The following GPC6 variants were observed in gnomAD, a reference collection of about 807,000 sequenced individuals.
GPC6 encodes the protein glypican-6.
Under a neutral mutation model 55.2 loss-of-function variants are expected in GPC6, and 14 were observed. The ratio of observed to expected loss-of-function variants is 0.25; its 90% CI spans 0.17 to 0.40. The LOEUF is 0.40. Among genes scored for constraint, GPC6 ranks in the 10% least tolerant of loss-of-function variants. GPC6 has a pLI of 1.00. For synonymous variants in GPC6, 278 were observed against 259.6 expected (o/e 1.07, Z -0.68); for missense variants, 641 against 708.5 (o/e 0.90, Z 1.08).
chr13:94,029,890 C>T (rs1355788783), intron 4 of GPC6, among the ~76,000 whole-genome samples: 1 of 152,116 alleles, frequency 6.6e-6, no homozygotes, highest in Non-Finnish European at 1.5e-5. Flanking sequence ...TCTGGAAAAT[C>T]ACTGGATTCA....
intron 2 of GPC6, among the ~76,000 whole-genome samples, chr13:93,564,640 T>A (rs1332288366): frequency 6.6e-6 from 1 of 152,042 alleles, no homozygotes; most frequent in Non-Finnish European, 1.5e-5. Flanking sequence ...CACTTCTAAT[T>A]TCAGTGAAAT....
At chr13:93,900,957 T>C (rs779896775) in intron 3 of GPC6, among the ~76,000 whole-genome samples, 8 of 152,212 alleles carry the variant, frequency 5.3e-5, no homozygotes, top group Non-Finnish European at 1.2e-4. Context: ...CCAGCTGTTC[T>C]ATCCAGTTCT....
intron 3 of GPC6, among the ~76,000 whole-genome samples, chr13:94,009,921 C>T (rs1219514265): frequency 6.6e-6 from 1 of 152,156 alleles, no homozygotes; most frequent in Non-Finnish European, 1.5e-5. Context: ...ATTCAGTTGG[C>T]ATTGCTGTTG....
chr13:94,163,353 C>G (rs1005134462), intron 4 of GPC6, among the ~76,000 whole-genome samples: 1 of 151,886 alleles, frequency 6.6e-6, no homozygotes, highest in African/African-American at 2.4e-5. Context: ...CCTCCCTTGA[C>G]TCCCTGTAGG....
intron 6 of GPC6, among the ~76,000 whole-genome samples, chr13:94,322,929 G>A (rs989613348): frequency 2.6e-5 from 4 of 152,118 alleles, no homozygotes; most frequent in African/African-American, 9.6e-5. Context: ...GTATATAGCA[G>A]CTAGATAGAC....
At chr13:93,396,173 A>G (rs1875847446) in intron 1 of GPC6, among the ~76,000 whole-genome samples, 1 of 152,196 alleles carries the variant, frequency 6.6e-6, no homozygotes, top group African/African-American at 2.4e-5. Context: ...TTAGTAATAA[A>G]ACATGTGTTT....
In GPC6 at chr13:94,029,840, A is replaced by G. The variant is rs559874362; in HGVS notation, c.877+1946A>G. 8.7e-4 allele frequency among the ~76,000 whole-genome samples: 132 copies of G among 152,342 alleles called. 1 individual carries two copies. The highest frequency in any genetic ancestry group is 3.4e-3 in the Middle Eastern group (1 of 294). ...AAACAAATCCTTATGCTTTCGATCA[A>G]TTGAGTTTCCTAGATACCGATTTGA... On this transcript the variant is annotated intron_variant, in intron 4 of 8. Coordinates refer to ENST00000377047, the MANE Select transcript of GPC6 (RefSeq NM_005708.5).
intron 2 of GPC6, among the ~76,000 whole-genome samples, chr13:93,668,803 C>G (rs979011731): frequency 6.6e-6 from 1 of 152,156 alleles, no homozygotes; most frequent in Non-Finnish European, 1.5e-5. Context: ...TTCTTTCAAA[C>G]TATCAAGTTC....
rs7987881 is a variant in GPC6 at position 93,297,673 on chromosome 13, C to T, written c.160+70057C>T. The stretch of plus-strand genomic sequence containing the variant: ...CAAAATGATTTTCCCCACCCTCCCC[C>T]CTTCACCTCAGCTAAAATGTCACCT... On this transcript the variant is annotated intron_variant, in intron 1 of 8. Coordinates refer to ENST00000377047, the MANE Select transcript of GPC6 (RefSeq NM_005708.5). 8.5e-3 allele frequency among the ~76,000 whole-genome samples: 1,294 copies of T among 152,092 alleles called. 15 individuals are homozygous for T. Among genetic ancestry groups the T allele is most frequent in the African/African-American group, 0.029 (1,214 of 41,462 alleles).
intron 4 of GPC6, among the ~76,000 whole-genome samples, chr13:94,273,562 G>A (rs1892110495): frequency 6.6e-6 from 1 of 152,176 alleles, no homozygotes; most frequent in Admixed American, 6.5e-5. Flanking sequence ...TTATTCTCTT[G>A]TAAAATGGTG....
rs1193654844 is a variant in GPC6 at position 93,227,770 on chromosome 13, A to T, written c.160+154A>T. ...TCCGCGTCTCCGTGTTGGGCGGCGG[A>T]TGCTCCTGCGGCTTCTTCGGCGGGG... is the stretch of plus-strand genomic sequence containing the variant. On this transcript the variant is annotated intron_variant, in intron 1 of 8. Transcript: ENST00000377047. This position sits in a 1 kb window ranked among gnomAD's most constrained non-coding sequence, Gnocchi z 4.3. Among the ~76,000 whole-genome samples the T allele has an allele frequency of 2.0e-5, 3 of 152,096 alleles. No individual in the cohort carries two copies. Among genetic ancestry groups the T allele is most frequent in the Non-Finnish European group, 4.4e-5 (3 of 68,006 alleles).
chr13:94,006,289 A>G (rs1310686976), intron 3 of GPC6, among the ~76,000 whole-genome samples: 1 of 152,206 alleles, frequency 6.6e-6, no homozygotes, highest in African/African-American at 2.4e-5. Flanking sequence ...AGAAGGAGGC[A>G]GACAGATTCA....
intron 3 of GPC6, among the ~76,000 whole-genome samples, chr13:93,874,592 A>G (rs935015370): frequency 2.7e-5 from 4 of 149,812 alleles, no homozygotes; most frequent in Non-Finnish European, 5.9e-5. Flanking sequence ...TTACCAGGGC[A>G]TACCAGATCC....
chr13:94,011,479 C>G (rs942049855), intron 3 of GPC6, among the ~76,000 whole-genome samples: 1 of 152,122 alleles, frequency 6.6e-6, no homozygotes, highest in African/African-American at 2.4e-5. Flanking sequence ...ATATTCTCCC[C>G]TCCCTCACCC....
chr13:93,845,878 A>C (rs1888155785), intron 3 of GPC6, among the ~76,000 whole-genome samples: 1 of 149,766 alleles, frequency 6.7e-6, no homozygotes, highest in Middle Eastern at 3.2e-3. Flanking sequence ...GATATATCTA[A>C]TGCTAGATGA....
intron 1 of GPC6, among the ~76,000 whole-genome samples, chr13:93,260,590 T>A (rs2139039878): frequency 6.6e-6 from 1 of 152,234 alleles, no homozygotes; most frequent in South Asian, 2.1e-4. Flanking sequence ...TATTGATCAG[T>A]ACCTAGAACA....
At chr13:94,054,083 A>G (rs1297339935) in intron 4 of GPC6, among the ~76,000 whole-genome samples, 1 of 152,166 alleles carries the variant, frequency 6.6e-6, no homozygotes, top group Non-Finnish European at 1.5e-5. Context: ...GTTTCTTCTA[A>G]TGCTTTGTTC....
chr13:93,846,369 G>T (rs1180728447), intron 3 of GPC6, among the ~76,000 whole-genome samples: 1 of 152,160 alleles, frequency 6.6e-6, no homozygotes, highest in African/African-American at 2.4e-5. Flanking sequence ...GAAACCTAAA[G>T]CAGAATGACA....
In GPC6 at chr13:93,739,333, G is replaced by T. The variant is rs960769277; in HGVS notation, c.320-90821G>T. Among the ~76,000 whole-genome samples the T allele has an allele frequency of 7.9e-5, 12 of 152,112 alleles. No homozygotes were observed. In the East Asian group the frequency reaches 1.7e-3, roughly 22 times the overall value. The stretch of plus-strand genomic sequence containing the variant: ...TGTGCCCTTGAATATATAAAAGGGA[G>T]TCATTTTTCCTGTATGTATTAAAGC... On this transcript the variant is annotated intron_variant, in intron 2 of 8. Coordinates refer to ENST00000377047, the MANE Select transcript of GPC6 (RefSeq NM_005708.5).
Sources: allele counts gnomAD v4.1 joint callset (sites outside exome capture counted in the v4.1 genomes callset), GRCh38; gene constraint gnomAD v4.1.1; non-coding constraint Gnocchi (gnomAD v3.1); transcripts MANE v1.5; gene names NCBI Gene and HGNC (gene_info 2026-07-23, HGNC 2026-07-21).